The following HSPA12A variants were observed in gnomAD, a reference collection of about 807,000 sequenced individuals.
HSPA12A encodes the protein heat shock 70 kDa protein 12A.
Under a neutral mutation model 69.2 loss-of-function variants are expected in HSPA12A, and 28 were observed. The ratio of observed to expected loss-of-function variants is 0.40; its 90% CI spans 0.30 to 0.55. HSPA12A has a LOEUF of 0.55. Ranked by LOEUF, HSPA12A falls within the 20% of genes least tolerant of loss-of-function variation. The pLI is 0.38. For synonymous variants in HSPA12A, 345 were observed against 370.5 expected, an observed-to-expected ratio of 0.93 and a Z score of 0.79; for missense variants, 686 against 900.7, an observed-to-expected ratio of 0.76 and a Z score of 3.05.
Position 116,673,290 on chromosome 10 carries a change from A to G in HSPA12A, c.*1491T>C, listed in dbSNP as rs1849136591. ...TCCGTTCTTGGTGTCGCTTTCTTGC[A>G]ATTTTTTTCCTCCCCTGGCCCTTCC... On this transcript the variant is annotated 3_prime_UTR_variant, in exon 12 of 12. Transcript: ENST00000369209. 1 of 151,522 alleles carries G rather than the reference A, an allele frequency of 6.6e-6. No individual in the cohort carries two copies. The highest frequency in any genetic ancestry group is 1.5e-5 in the Non-Finnish European group (1 of 67,894). 9.4% of individuals were successfully genotyped at this position (151,522 alleles called of 1,614,324 possible).
intron 1 of HSPA12A, among the ~76,000 whole-genome samples, chr10:116,740,637 CGTGTGTGTGTGT>C (rs60427815): frequency 4.4e-4 from 60 of 137,796 alleles, no homozygotes; most frequent in African/African-American, 1.4e-3. Context: ...CTCCCAGCAC[CGTGTGTGTGTGT>C]GTGTGTGTGT....
chr10:116,782,906 A>C (rs1215650547), intron 2 of HSPA12A, among the ~76,000 whole-genome samples: 2 of 152,210 alleles, frequency 1.3e-5, no homozygotes, highest in Non-Finnish European at 2.9e-5. Flanking sequence ...CAACATACCA[A>C]GCCCAGGACA....
intron 10 of HSPA12A, among the ~76,000 whole-genome samples, chr10:116,677,431 A>G (rs782605268): frequency 6.6e-6 from 1 of 152,224 alleles, no homozygotes; most frequent in Non-Finnish European, 1.5e-5. Flanking sequence ...CCAAAGGACA[A>G]TGTGGTGTGG....
chr10:116,736,694 C>T (rs1241383421), intron 1 of HSPA12A, among the ~76,000 whole-genome samples: 7 of 152,118 alleles, frequency 4.6e-5, no homozygotes, highest in Admixed American at 4.6e-4. Flanking sequence ...CCAAGGAATG[C>T]AGGTCACCTC....
intron 2 of HSPA12A, among the ~76,000 whole-genome samples, chr10:116,826,051 G>T (rs1382209203): frequency 6.6e-6 from 1 of 152,092 alleles, no homozygotes; most frequent in Admixed American, 6.6e-5. Flanking sequence ...TCCATTCTCT[G>T]TGTGGCCCCG....
At chr10:116,775,536 C>A (rs932864103) in intron 2 of HSPA12A, among the ~76,000 whole-genome samples, 2 of 152,174 alleles carry the variant, frequency 1.3e-5, no homozygotes, top group African/African-American at 2.4e-5. Flanking sequence ...TGTCTGTTCC[C>A]ACTGACAGCC....
intron 1 of HSPA12A, among the ~76,000 whole-genome samples, chr10:116,736,689 G>C (rs1554886468): frequency 6.6e-6 from 1 of 152,152 alleles, no homozygotes; most frequent in Non-Finnish European, 1.5e-5. Flanking sequence ...ACGATCCAAG[G>C]AATGCAGGTC....
chr10:116,847,955 G>T (rs1262472143), intron 1 of HSPA12A, among the ~76,000 whole-genome samples: 1 of 152,202 alleles, frequency 6.6e-6, no homozygotes, highest in Non-Finnish European at 1.5e-5. Flanking sequence ...GTGAGAGCTG[G>T]ATTGTGGACG....
At chr10:116,731,077 T>C (rs1230890912) in intron 1 of HSPA12A, among the ~76,000 whole-genome samples, 2 of 152,232 alleles carry the variant, frequency 1.3e-5, no homozygotes, top group Non-Finnish European at 2.9e-5. Context: ...ACTCAGTCAA[T>C]GCTACATCCT....
chr10:116,758,759 A>G (rs1461791067), intron 2 of HSPA12A, among the ~76,000 whole-genome samples: 1 of 152,232 alleles, frequency 6.6e-6, no homozygotes, highest in Non-Finnish European at 1.5e-5. Flanking sequence ...AGCAACACAC[A>G]GAGCTTGCTC....
intron 1 of HSPA12A, among the ~76,000 whole-genome samples, chr10:116,845,567 G>A (rs1488036032): frequency 6.6e-6 from 1 of 152,032 alleles, no homozygotes; most frequent in African/African-American, 2.4e-5. Context: ...CTCTCTCCGT[G>A]GATATGTTCC....
At chr10:116,700,855 G>T in intron 4 of HSPA12A, 88 bp downstream of exon 4, 1 of 1,316,238 alleles carries the variant, frequency 7.6e-7, no homozygotes, top group Non-Finnish European at 1.1e-6. Flanking sequence ...CCCCTGGGTT[G>T]GGAGGACATC....
Position 116,821,541 on chromosome 10 carries a change from A to G in HSPA12A, c.91+13394T>C, listed in dbSNP as rs112102303. On this transcript the variant is annotated intron_variant, in intron 2 of 12. Transcript: ENST00000635765. Reference sequence around the variant, plus strand: ...TTCTCTATACCATTTATCATTTAACATATTCAGATTTGCACACATACACAC... The same window carrying G: ...TTCTCTATACCATTTATCATTTAACGTATTCAGATTTGCACACATACACAC... Among the ~76,000 whole-genome samples, 1,382 of 152,330 alleles carry G rather than the reference A, an allele frequency of 9.1e-3. 14 individuals carry two copies. The highest frequency in any genetic ancestry group is 0.031 in the African/African-American group (1,296 of 41,564).
At chr10:116,847,676 A>G (rs1203316157) in intron 1 of HSPA12A, among the ~76,000 whole-genome samples, 1 of 152,192 alleles carries the variant, frequency 6.6e-6, no homozygotes, top group Non-Finnish European at 1.5e-5. Flanking sequence ...ATCACTCAAC[A>G]AATATTTACT....
intron 2 of HSPA12A, chr10:116,833,362 A>T (rs1182944503): frequency 4.6e-5 from 7 of 152,244 alleles, no homozygotes. Flanking sequence ...TAGCTGCTGC[A>T]GCCTGGGGGA....
intron 2 of HSPA12A, among the ~76,000 whole-genome samples, chr10:116,784,489 T>C (rs1844533575): frequency 6.6e-6 from 1 of 152,250 alleles, no homozygotes; most frequent in African/African-American, 2.4e-5. Context: ...TTCATTTCAG[T>C]AAGCCTAGCA....
intron 2 of HSPA12A, among the ~76,000 whole-genome samples, chr10:116,792,821 G>A (rs995836945): frequency 6.7e-6 from 1 of 149,224 alleles, no homozygotes; most frequent in Non-Finnish European, 1.5e-5. Context: ...GAAAAAGAAA[G>A]AAAGAAAGAA....
intron 2 of HSPA12A, among the ~76,000 whole-genome samples, chr10:116,825,004 A>G (rs984228330): frequency 1.3e-5 from 2 of 149,322 alleles, no homozygotes; most frequent in East Asian, 2.2e-4. Context: ...CCCGGGCAAC[A>G]TGGCAAAACC....
At chr10:116,726,833 C>T (rs1224588783) in intron 1 of HSPA12A, among the ~76,000 whole-genome samples, 1 of 152,222 alleles carries the variant, frequency 6.6e-6, no homozygotes, top group Non-Finnish European at 1.5e-5. Context: ...CCCACACCTC[C>T]ACCCTCCAGC....
Sources: gnomAD v4.1 joint callset for allele counts (sites outside exome capture counted in the v4.1 genomes callset) on GRCh38, gnomAD v4.1.1 for gene constraint, MANE v1.5 for transcripts, NCBI Gene and HGNC (gene_info 2026-07-23, HGNC 2026-07-21) for gene names.